The following PLK1 variants were observed in gnomAD, a reference collection of about 807,000 sequenced individuals.
PLK1 encodes the protein serine/threonine-protein kinase PLK1.
A neutral mutation model predicts 56.7 loss-of-function variants in PLK1; 6 were observed. The ratio of observed to expected loss-of-function variants is 0.11; its 90% CI spans 0.06 to 0.21. The LOEUF (loss-of-function observed/expected upper bound fraction) is 0.21. PLK1 is among the 10% of genes least tolerant of loss of function. The probability of loss-of-function intolerance (pLI) is 1.00; values close to 1 mark genes in which losing one functional copy is unlikely to be tolerated. For missense variants in PLK1, 546 were observed against 814.4 expected, an observed-to-expected ratio of 0.67 and a Z score of 4.01; for synonymous variants, 298 against 325.0, an observed-to-expected ratio of 0.92 and a Z score of 0.89.
chr16:23,680,786 T>C, intron 2 of PLK1, 128 bp from the exon 3 acceptor site: 1 of 891,436 alleles, frequency 1.1e-6, no homozygotes, highest in Admixed American at 2.6e-5. Context: ...CCTTGCTACA[T>C]ACAAGGAGCA....
At chr16:23,679,999 C>A in intron 1 of PLK1, 85 bp from the exon 2 acceptor site, 1 of 938,552 alleles carries the variant, frequency 1.1e-6, no homozygotes, top group Non-Finnish European at 1.7e-6. Context: ...CAGTCCTGTG[C>A]TTCCTTTGCC....
chr16:23,688,610 G>T, intron 6 of PLK1, 58 bp from the exon 7 acceptor site: 1 of 1,321,956 alleles, frequency 7.6e-7, no homozygotes, highest in Non-Finnish European at 1.1e-6. Flanking sequence ...CACATGTGTG[G>T]AGCAGAGGGG....
At chr16:23,685,564 CG>C (rs1959413548) in intron 5 of PLK1, among the ~76,000 whole-genome samples, 1 of 151,950 alleles carries the variant, frequency 6.6e-6, no homozygotes. Context: ...AAAGACTAGC[CG>C]GGCGTGGTGG....
rs567480426 is a variant in PLK1, at chr16:23,680,116, C to T, written c.441C>T (p.Ala147=). ...TGGAGCTGCACAAGAGGAGGAAAGCCCTGACTGAGCCTGAGGCCCGATACT... is the reference window on the plus strand; with the variant it reads ...TGGAGCTGCACAAGAGGAGGAAAGCTCTGACTGAGCCTGAGGCCCGATACT... ...SLLELHKRRK[A]LTEPEARYYL... The change falls in exon 2 of 10, where the codon GCC becomes GCT. Residue 147 remains alanine, a synonymous_variant. Coordinates refer to ENST00000300093, the MANE Select transcript of PLK1 (RefSeq NM_005030.6). 1.4e-5 allele frequency: 23 copies of T among 1,614,076 alleles called. No homozygotes were observed. The highest frequency in any genetic ancestry group is 1.8e-5 in the Non-Finnish European group (21 of 1,179,988).
Position 23,687,640 on chromosome 16 carries a change from C to T in PLK1, c.1192+16C>T. ...GTCAGGCAAGGTGGGTACTGCGGGG[C>T]CCTGGGCGGGGCAGGATTGCTTGGG... On this transcript the variant is annotated intron_variant, in intron 6 of 9. Transcript: ENST00000300093. 2.0e-6 allele frequency: 3 copies of T among 1,532,928 alleles called. No homozygotes were observed. Among genetic ancestry groups the T allele is most frequent in the Non-Finnish European group, 1.8e-6 (2 of 1,128,842 alleles). The allele number at this position is 1,532,928 out of a possible 1,614,324, so 95.0% of individuals were successfully genotyped here.
rs755512074 is a variant in PLK1, at chr16:23,689,998, G to A, written c.1747G>A (p.Ala583Thr). 9 of 1,613,470 alleles carry A rather than the reference G, an allele frequency of 5.6e-6. No individual in the cohort carries two copies. Among genetic ancestry groups the A allele is most frequent in the Admixed American group, 5.0e-5 (3 of 60,010 alleles). The change falls in exon 10 of 10, where the codon GCC becomes ACC. Residue 583 changes from alanine (A) to threonine (T), a missense_variant. Ala to Thr is a moderately conservative substitution (Grantham distance 58). Transcript: ENST00000300093. The surrounding 1 kb of genome is among the most constrained non-coding windows in gnomAD (Gnocchi z 4.8). ...GGAGCTGGCCAGCCGGCTCCGCTAC[G>A]CCCGCACTATGGTGGACAAGCTGCT... ...CKELASRLRY[A>T]RTMVDKLLSS...
At chr16:23,687,134 C>CAG (rs1382135154) in intron 5 of PLK1, 1 of 178,462 alleles carries the variant, frequency 5.6e-6, no homozygotes, top group East Asian at 1.4e-4. Context: ...CTCAGCCCTT[C>CAG]CATCTGCCTG....
Position 23,689,751 on chromosome 16 carries a change from G to T in PLK1, c.1608+75G>T. The stretch of plus-strand genomic sequence containing the variant: ...TGCCTGGCAGTGGCCCATGTGGGTT[G>T]AATGTGGAGTGAGCGGCTCAGGTAC... On this transcript the variant is annotated intron_variant, in intron 9 of 9. Coordinates refer to ENST00000300093, the MANE Select transcript of PLK1 (RefSeq NM_005030.6). The surrounding 1 kb of genome is among the most constrained non-coding windows in gnomAD (Gnocchi z 4.8). 1 of 1,539,726 alleles carries T rather than the reference G, an allele frequency of 6.5e-7. No homozygotes were observed. Among genetic ancestry groups the T allele is most frequent in the Non-Finnish European group, 8.9e-7 (1 of 1,125,510 alleles).
At chr16:23,679,500 G>A (rs112625604) in intron 1 of PLK1, 160 bp downstream of exon 1, 2 of 643,550 alleles carry the variant, frequency 3.1e-6, no homozygotes, top group Non-Finnish European at 2.6e-6. Flanking sequence ...AAGTGTCTTT[G>A]GTAAGGGCTT....
intron 7 of PLK1, 127 bp downstream of exon 7, chr16:23,688,872 C>T (rs971870396): frequency 1.4e-6 from 1 of 720,380 alleles, no homozygotes; most frequent in Non-Finnish European, 2.5e-6. Context: ...CATCCCAGGC[C>T]TCCCAGTTCC....
At chr16:23,682,318 T>C (rs974925790) in intron 4 of PLK1, among the ~76,000 whole-genome samples, 161 bp downstream of exon 4, 2 of 152,156 alleles carry the variant, frequency 1.3e-5, no homozygotes, top group Admixed American at 6.5e-5. Context: ...GAACTTGACA[T>C]GTATGTGCAC....
intron 5 of PLK1, 75 bp downstream of exon 5, chr16:23,684,164 C>A: frequency 8.5e-7 from 1 of 1,178,194 alleles, no homozygotes; most frequent in South Asian, 1.2e-5. Context: ...GCAGCTTAGT[C>A]CCTGGCCCTG....
At position 23,689,934 on chromosome 16, in the gene PLK1, A is replaced by G. The variant is rs56298795; in HGVS notation, c.1683A>G (p.Thr561=). Residue 561 remains threonine (T), a synonymous_variant, in exon 10 of 10, where the codon ACA becomes ACG. Coordinates refer to ENST00000300093, the MANE Select transcript of PLK1 (RefSeq NM_005030.6). This position sits in a 1 kb window ranked among gnomAD's most constrained non-coding sequence, Gnocchi z 4.8. ...TCGACGAGAAGCGGGACTTCCGCACATACCGCCTGAGTCTCCTGGAGGAGT... is the reference window on the plus strand; with the variant it reads ...TCGACGAGAAGCGGGACTTCCGCACGTACCGCCTGAGTCTCCTGGAGGAGT... ...TYIDEKRDFR[T]YRLSLLEEYG... 1,497 of 1,613,868 alleles carry G rather than the reference A, an allele frequency of 9.3e-4. 36 individuals carry two copies. The East Asian group carries it at 0.031, about 34-fold the overall frequency.
rs921715006 is a variant in PLK1, at chr16:23,689,311, T to C, written c.1344T>C (p.Gly448=). 4 of 1,614,000 alleles carry C rather than the reference T, an allele frequency of 2.5e-6. No homozygotes were observed. The highest frequency in any genetic ancestry group is 2.5e-6 in the Non-Finnish European group (3 of 1,179,884). The part of the protein sequence containing the change: ...DSTRLILYND[G]DSLQYIERDG... ...CACGCCTCATCCTCTACAATGATGG[T>C]GACAGCCTGCAGTACATAGAGCGTG... The change falls in exon 8 of 10, where the codon GGT becomes GGC. Residue 448 remains glycine (G), a synonymous_variant. Transcript: ENST00000300093. This position sits in a 1 kb window ranked among gnomAD's most constrained non-coding sequence, Gnocchi z 4.8.
chr16:23,687,337 C>G (rs1406070779), intron 5 of PLK1, 132 bp from the exon 6 acceptor site: 2 of 677,576 alleles, frequency 3.0e-6, no homozygotes, highest in African/African-American at 1.9e-5. Context: ...AGCTGCTGCT[C>G]TAGTAACCAG....
In PLK1 at chr16:23,687,581, T is replaced by C. The variant is rs751637997; in HGVS notation, c.1149T>C (p.Ser383=). The C allele has an allele frequency of 1.2e-5, 20 of 1,601,226 alleles. No individual in the cohort carries two copies. The Admixed American group carries it at 1.4e-4, about 11-fold the overall frequency. The change falls in exon 6 of 10, where the codon AGT becomes AGC. Residue 383 remains serine (S), a synonymous_variant. Transcript: ENST00000300093. ...GTGACATGCTGCAGCAGCTGCACAG[T>C]GTCAATGCCTCCAAGCCCTCGGAGC... The part of the protein sequence containing the change: ...HLSDMLQQLH[S]VNASKPSERG...
intron 2 of PLK1, 26 bp downstream of exon 2, chr16:23,680,278 C>CTTGA: frequency 6.2e-7 from 1 of 1,605,892 alleles, no homozygotes; most frequent in Non-Finnish European, 8.5e-7. Flanking sequence ...TGCAGGGGTG[C>CTTGA]TTGACATCAC....
chr16:23,684,111 G>C (rs1289998639), intron 5 of PLK1, 22 bp downstream of exon 5: 1 of 1,579,136 alleles, frequency 6.3e-7, no homozygotes, highest in Admixed American at 1.7e-5. Flanking sequence ...GTCTGGGTAA[G>C]AGAGCAGACC....
rs746091320 is a variant in PLK1, at chr16:23,679,182, G to A, written c.250G>A (p.Val84Met). Residue 84 changes from valine (V) to methionine (M), a missense_variant, in exon 1 of 10, where the codon GTG becomes ATG. Physicochemically the swap from Val to Met is conservative, Grantham distance 21. Coordinates refer to ENST00000300093, the MANE Select transcript of PLK1 (RefSeq NM_005030.6). ...CAAGGAGGTGTTCGCGGGCAAGATT[G>A]TGCCTAAGTCTCTGCTGCTCAAGCC... is the stretch of plus-strand genomic sequence containing the variant. ...DTKEVFAGKI[V>M]PKSLLLKPHQ... 3 of 1,613,934 alleles carry A rather than the reference G, an allele frequency of 1.9e-6. No homozygotes were observed. The highest frequency in any genetic ancestry group is 2.7e-5 in the African/African-American group (2 of 74,934).
Sources: gnomAD v4.1 joint callset for allele counts (sites outside exome capture counted in the v4.1 genomes callset) on GRCh38, gnomAD v4.1.1 for gene constraint, Gnocchi (gnomAD v3.1) non-coding constraint, MANE v1.5 for transcripts, NCBI Gene and HGNC (gene_info 2026-07-23, HGNC 2026-07-21) for gene names.